Variants in SPATA6 observed in about 807,000 individuals in gnomAD.
The protein encoded by SPATA6 is spermatogenesis associated 6, also known as spermatogenesis-associated protein 6.
In SPATA6, 56 loss-of-function variants were observed where a neutral mutation model predicts 65.3. The observed-to-expected ratio is 0.86, with a 90% CI of 0.69 to 1.07. The LOEUF (loss-of-function observed/expected upper bound fraction) is 1.07. Ranked by LOEUF, SPATA6 falls within the 50% of genes least tolerant of loss-of-function variation. The pLI, the probability that SPATA6 is intolerant of heterozygous loss-of-function variation, is 0.00. For missense variants in SPATA6, 590 were observed against 594.8 expected, an observed-to-expected ratio of 0.99 and a Z score of 0.08; for synonymous variants, 199 against 213.2, an observed-to-expected ratio of 0.93 and a Z score of 0.58.
intron 1 of SPATA6, among the ~76,000 whole-genome samples, chr1:48,462,095 C>CA (rs1462708464): frequency 6.6e-6 from 1 of 150,434 alleles, no homozygotes; most frequent in Non-Finnish European, 1.5e-5. Context: ...ATCGCAAGGA[C>CA]AAAAAACCAA....
intron 3 of SPATA6, among the ~76,000 whole-genome samples, chr1:48,439,693 T>G (rs562674163): frequency 1.6e-4 from 24 of 148,856 alleles, no homozygotes; most frequent in African/African-American, 5.9e-4. Flanking sequence ...TAGTAAACAC[T>G]CAGGCATTAA....
chr1:48,444,490 A>G (rs1367044865), intron 3 of SPATA6, among the ~76,000 whole-genome samples: 1 of 151,890 alleles, frequency 6.6e-6, no homozygotes, highest in Non-Finnish European at 1.5e-5. Context: ...AAACATACCA[A>G]TCAGCGCTCT....
the SPATA6 span, among the ~76,000 whole-genome samples, chr1:48,281,985 G>C: frequency 1.3e-5 from 2 of 152,060 alleles, no homozygotes; most frequent in East Asian, 3.9e-4. Flanking sequence ...CCAAAACAGA[G>C]ATATATATCA....
intron 1 of SPATA6, among the ~76,000 whole-genome samples, chr1:48,455,390 T>C (rs1039239138): frequency 6.6e-6 from 1 of 151,984 alleles, no homozygotes; most frequent in African/African-American, 2.4e-5. Context: ...ACTTTTTTTT[T>C]TTTTTTGAGA....
intron 11 of SPATA6, among the ~76,000 whole-genome samples, chr1:48,327,320 G>A (rs980476783): frequency 2.6e-5 from 4 of 152,096 alleles, no homozygotes; most frequent in African/African-American, 9.7e-5. Flanking sequence ...GCATCAGAAT[G>A]GCTACTACGA....
At chr1:48,377,440 G>A (rs968708351) in intron 9 of SPATA6, among the ~76,000 whole-genome samples, 1 of 152,054 alleles carries the variant, frequency 6.6e-6, no homozygotes, top group Non-Finnish European at 1.5e-5. Flanking sequence ...TATTGCAGAT[G>A]CTCTTCCCTC....
chr1:48,410,109 A>T (rs1259312867), intron 5 of SPATA6, among the ~76,000 whole-genome samples: 1 of 152,188 alleles, frequency 6.6e-6, no homozygotes, highest in African/African-American at 2.4e-5. Context: ...CCCTTTTGAA[A>T]TTGAATGCCT....
chr1:48,404,302 T>C (rs1557670248), intron 5 of SPATA6, among the ~76,000 whole-genome samples: 1 of 152,194 alleles, frequency 6.6e-6, no homozygotes, highest in Non-Finnish European at 1.5e-5. Context: ...TTCCACAACG[T>C]ATACATATAT....
chr1:48,382,470 C>A (rs1257439711), intron 9 of SPATA6, among the ~76,000 whole-genome samples: 3 of 134,420 alleles, frequency 2.2e-5, no homozygotes, highest in South Asian at 2.6e-4. Context: ...GGCTGTCCCC[C>A]CCACCTCCCT....
chr1:48,326,297 C>G (rs931804908), intron 11 of SPATA6, among the ~76,000 whole-genome samples: 2 of 151,988 alleles, frequency 1.3e-5, no homozygotes, highest in African/African-American at 4.8e-5. Context: ...TACATTTAAC[C>G]AAGGAGGTGA....
intron 8 of SPATA6, among the ~76,000 whole-genome samples, chr1:48,385,564 T>C (rs1287652257): frequency 6.6e-6 from 1 of 152,192 alleles, no homozygotes; most frequent in Non-Finnish European, 1.5e-5. Context: ...ACTATTTTCA[T>C]TTGAAAATAG....
chr1:48,438,575 CA>C (rs1434568910), intron 3 of SPATA6, among the ~76,000 whole-genome samples: 2 of 152,124 alleles, frequency 1.3e-5, no homozygotes, highest in African/African-American at 4.8e-5. Flanking sequence ...AGGGTCCTGA[CA>C]AAAAGTTGGT....
rs554156065 is a variant in SPATA6 at position 48,315,047 on chromosome 1, T to A, written c.1195-9169A>T. Among the ~76,000 whole-genome samples the A allele has an allele frequency of 2.6e-5, 4 of 152,262 alleles. No homozygotes were observed. The South Asian group carries it at 8.3e-4, about 32-fold the overall frequency. On this transcript the variant is annotated intron_variant, in intron 11 of 12. Coordinates refer to ENST00000371847, the MANE Select transcript of SPATA6 (RefSeq NM_019073.4). ...ACAGGCTCTGAAATTGAGGCAATAA[T>A]TAATAGCTTACCAAACAAAAAAAGC...
In SPATA6 at chr1:48,359,645, G is replaced by C. The variant is rs1271833755; in HGVS notation, c.1035C>G (p.Pro345=). ...SARTLLVHSA[P]STMPKHSPSP... is the part of the protein sequence containing the mutation. ...TTGGAGAATGCTTTGGCATTGTTGA[G>C]GGTGCTGAATGGACTAGCAAGGTCC... The change falls in exon 10 of 13, where the codon CCC becomes CCG. Residue 345 remains proline, a synonymous_variant. Transcript: ENST00000371847. 1 of 1,613,622 alleles carries C rather than the reference G, an allele frequency of 6.2e-7. No homozygotes were observed. The highest frequency in any genetic ancestry group is 8.5e-7 in the Non-Finnish European group (1 of 1,179,788).
At chr1:48,285,022 C>T in the SPATA6 span, among the ~76,000 whole-genome samples, 3 of 152,246 alleles carry the variant, frequency 2.0e-5, no homozygotes, top group South Asian at 2.1e-4. Context: ...GCTGAAGCTG[C>T]GCCCACAGCC....
chr1:48,340,475 C>T (rs1247554357), intron 11 of SPATA6, among the ~76,000 whole-genome samples: 1 of 150,908 alleles, frequency 6.6e-6, no homozygotes, highest in South Asian at 2.1e-4. Context: ...AAATGGAATG[C>T]AAATGCTCTA....
At chr1:48,286,719 G>A in the SPATA6 span, among the ~76,000 whole-genome samples, 3 of 152,072 alleles carry the variant, frequency 2.0e-5, no homozygotes, top group Non-Finnish European at 2.9e-5. Flanking sequence ...AGTAATACCT[G>A]ACACTGTGTA....
At chr1:48,320,259 A>C (rs1361214183) in intron 11 of SPATA6, among the ~76,000 whole-genome samples, 1 of 152,260 alleles carries the variant, frequency 6.6e-6, no homozygotes, top group African/African-American at 2.4e-5. Flanking sequence ...CAAGTACAAG[A>C]GGGTTATAGC....
chr1:48,374,722 T>A (rs1293270857), intron 9 of SPATA6, among the ~76,000 whole-genome samples: 1 of 152,158 alleles, frequency 6.6e-6, no homozygotes, highest in Non-Finnish European at 1.5e-5. Flanking sequence ...TCCTTCCTTA[T>A]CAAAATAGTG....
Sources: gnomAD v4.1 joint callset for allele counts (sites outside exome capture counted in the v4.1 genomes callset) on GRCh38, gnomAD v4.1.1 for gene constraint, MANE v1.5 for transcripts, NCBI Gene and HGNC (gene_info 2026-07-23, HGNC 2026-07-21) for gene names.